The following CSMD2 variants were observed in gnomAD, a reference collection of about 807,000 sequenced individuals.
The protein encoded by CSMD2 is CUB and Sushi multiple domains 2.
A neutral mutation model predicts 398.5 loss-of-function variants in CSMD2; 130 were observed. That is an observed-to-expected ratio of 0.33 (90% confidence interval 0.28 to 0.38). The LOEUF is 0.38. Ranked by LOEUF, CSMD2 falls within the 10% of genes least tolerant of loss-of-function variation. The probability of loss-of-function intolerance (pLI) is 1.00; values close to 1 mark genes in which losing one functional copy is unlikely to be tolerated. For synonymous variants in CSMD2, 1,828 were observed against 1,908.5 expected (o/e 0.96, Z 1.10); for missense variants, 3,829 against 4,764.9 (o/e 0.80, Z 5.78).
chr1:33,771,708 C>A (rs907897388), intron 13 of CSMD2, among the ~76,000 whole-genome samples: 1 of 152,058 alleles, frequency 6.6e-6, no homozygotes, highest in African/African-American at 2.4e-5. Context: ...AACTCGAGGC[C>A]CCAAGTAACC....
At chr1:33,608,215 G>C (rs1275364125) in intron 41 of CSMD2, among the ~76,000 whole-genome samples, 2 of 152,180 alleles carry the variant, frequency 1.3e-5, no homozygotes, top group Non-Finnish European at 2.9e-5. Context: ...AGTCAATGGA[G>C]AATCTGAGGC....
intron 13 of CSMD2, among the ~76,000 whole-genome samples, chr1:33,768,476 T>C (rs1650815486): frequency 6.6e-6 from 1 of 152,036 alleles, no homozygotes; most frequent in South Asian, 2.1e-4. Flanking sequence ...TAATGGTCCA[T>C]GGGAGAGACC....
chr1:33,633,412 C>T lies in CSMD2; in HGVS notation c.5200+10G>A, dbSNP rs1369153640. Reference sequence around the variant, plus strand: ...CACAACCATCCCCACACTGGCCGAGCCCCGGATACCTGTATGGGAGCCCGA... The same window carrying T: ...CACAACCATCCCCACACTGGCCGAGTCCCGGATACCTGTATGGGAGCCCGA... On this transcript the variant is annotated intron_variant, in intron 32 of 70. Coordinates refer to ENST00000373381, the MANE Select transcript of CSMD2 (RefSeq NM_001281956.2). The surrounding 1 kb of genome is among the most constrained non-coding windows in gnomAD (Gnocchi z 5.0). 5 of 1,545,140 alleles carry T rather than the reference C, an allele frequency of 3.2e-6. No individual in the cohort carries two copies. Among genetic ancestry groups the T allele is most frequent in the Non-Finnish European group, 4.4e-6 (5 of 1,142,110 alleles).
At chr1:33,641,795 C>T (rs1214521705) in intron 29 of CSMD2, among the ~76,000 whole-genome samples, 1 of 152,148 alleles carries the variant, frequency 6.6e-6, no homozygotes, top group Non-Finnish European at 1.5e-5. Flanking sequence ...CTAGTTGTCA[C>T]GAGGATGTGA....
chr1:33,592,544 G>A (rs1413326546), intron 44 of CSMD2: 4 of 716,800 alleles, frequency 5.6e-6, no homozygotes. Flanking sequence ...CAAAGTGATT[G>A]GAATGTGTAG....
intron 53 of CSMD2, among the ~76,000 whole-genome samples, chr1:33,565,123 G>A (rs1054459200): frequency 6.6e-6 from 1 of 152,220 alleles, no homozygotes; most frequent in African/African-American, 2.4e-5. Context: ...CTTTTGTGGA[G>A]AGCAAGACTG....
At chr1:34,026,372 T>C (rs1034835143) in intron 3 of CSMD2, among the ~76,000 whole-genome samples, 3 of 152,208 alleles carry the variant, frequency 2.0e-5, no homozygotes, top group Non-Finnish European at 2.9e-5. Context: ...AGATTCTTCA[T>C]AGAGATCATT....
intron 22 of CSMD2, among the ~76,000 whole-genome samples, chr1:33,701,594 C>T (rs1645613986): frequency 1.3e-5 from 2 of 152,178 alleles, no homozygotes; most frequent in South Asian, 4.1e-4. Flanking sequence ...TTCCATTGTA[C>T]TATTTATGAA....
At chr1:34,165,242 C>G, upstream of CSMD2, 1 of 1,179,068 alleles carries the variant, frequency 8.5e-7, no homozygotes, top group Non-Finnish European at 1.0e-6. Flanking sequence ...AACCAAGTGT[C>G]CGCCCGGCCG....
intron 49 of CSMD2, among the ~76,000 whole-genome samples, chr1:33,576,813 TTTC>T (rs1478126617): frequency 2.0e-5 from 3 of 152,144 alleles, no homozygotes; most frequent in East Asian, 1.9e-4. Context: ...CGTTTTTTTT[TTTC>T]TTCTTCAGAT....
chr1:33,675,361 A>G (rs1014280417), intron 25 of CSMD2, among the ~76,000 whole-genome samples: 3 of 152,216 alleles, frequency 2.0e-5, no homozygotes, highest in East Asian at 1.9e-4. Flanking sequence ...AAATCTAGAA[A>G]AAATGGATAA....
chr1:33,514,719 G>A lies in CSMD2; in HGVS notation c.*1905C>T, dbSNP rs1008276503. 1.2e-4 allele frequency: 19 copies of A among 152,582 alleles called. No individual in the cohort carries two copies. The highest frequency in any genetic ancestry group is 2.0e-4 in the Admixed American group (3 of 15,294). The allele number at this position is 152,582 out of a possible 1,614,324, so 9.5% of individuals were successfully genotyped here. Reference sequence around the variant, plus strand: ...CTTCCTGCACTTGTTTCCAGCCAAGGAAAGAGATGAGAGTGTGAGTGTGTC... The same window carrying A: ...CTTCCTGCACTTGTTTCCAGCCAAGAAAAGAGATGAGAGTGTGAGTGTGTC... On this transcript the variant is annotated 3_prime_UTR_variant, in exon 71 of 71. Coordinates refer to ENST00000373381, the MANE Select transcript of CSMD2 (RefSeq NM_001281956.2).
intron 5 of CSMD2, among the ~76,000 whole-genome samples, chr1:33,891,088 G>T (rs546659915): frequency 2.6e-5 from 4 of 151,826 alleles, no homozygotes; most frequent in Non-Finnish European, 5.9e-5. Flanking sequence ...CACAGCAAAA[G>T]AAACTACCAT....
At chr1:33,729,575 A>C (rs1571368878) in intron 15 of CSMD2, among the ~76,000 whole-genome samples, 2 of 149,304 alleles carry the variant, frequency 1.3e-5, no homozygotes, top group East Asian at 3.9e-4. Flanking sequence ...GGTGTGCTGC[A>C]CCCATTAACT....
chr1:33,572,246 T>A (rs990981858), intron 50 of CSMD2, among the ~76,000 whole-genome samples: 8 of 152,082 alleles, frequency 5.3e-5, no homozygotes, highest in Admixed American at 3.9e-4. Flanking sequence ...TTCTGACAGG[T>A]TTTCCATCTA....
At chr1:34,000,020 A>T (rs1450500297) in intron 3 of CSMD2, among the ~76,000 whole-genome samples, 1 of 152,186 alleles carries the variant, frequency 6.6e-6, no homozygotes, top group Non-Finnish European at 1.5e-5. Flanking sequence ...GAACAAAAAT[A>T]CAGAGGAGTA....
At chr1:33,725,126 A>G (rs901551048) in intron 17 of CSMD2, among the ~76,000 whole-genome samples, 6 of 152,190 alleles carry the variant, frequency 3.9e-5, no homozygotes, top group African/African-American at 1.4e-4. Context: ...GTCTGCACGC[A>G]AGGGCCTAGC....
In CSMD2 at chr1:33,780,630, C is replaced by A. The variant is rs553382671; in HGVS notation, c.1664-7879G>T. ...CTATGTATTTAGAGAGCACATCTCACTGACAAATTACTTTCTACCAAATTT... is the reference window on the plus strand; with the variant it reads ...CTATGTATTTAGAGAGCACATCTCAATGACAAATTACTTTCTACCAAATTT... On this transcript the variant is annotated intron_variant, in intron 12 of 70. Transcript: ENST00000373381. Among the ~76,000 whole-genome samples, 28 of 152,346 alleles carry A rather than the reference C, an allele frequency of 1.8e-4. 1 individual carries two copies. Among genetic ancestry groups the A allele is most frequent in the Admixed American group, 1.6e-3 (25 of 15,292 alleles).
intron 4 of CSMD2, among the ~76,000 whole-genome samples, chr1:33,935,072 G>GA (rs199731952): frequency 0.016 from 2,334 of 145,644 alleles, 59 homozygotes; most frequent in Admixed American, 0.072. Context: ...AGGAAGAAAG[G>GA]AAAAAAAAAA....
Sources: allele counts gnomAD v4.1 joint callset (sites outside exome capture counted in the v4.1 genomes callset), GRCh38; gene constraint gnomAD v4.1.1; non-coding constraint Gnocchi (gnomAD v3.1); transcripts MANE v1.5; gene names NCBI Gene and HGNC (gene_info 2026-07-23, HGNC 2026-07-21).